Variants in NRSN1 observed in about 807,000 individuals in gnomAD.
The protein encoded by NRSN1 is neurensin-1.
NRSN1 carries 14 observed loss-of-function variants against 17.3 expected under a neutral mutation model. The ratio of observed to expected loss-of-function variants is 0.81; its 90% CI spans 0.54 to 1.27. The LOEUF (loss-of-function observed/expected upper bound fraction) is 1.27, where lower values mean the gene tolerates loss of function less well. Among genes scored for constraint, NRSN1 ranks in the 50% most tolerant of loss-of-function variants. NRSN1 has a pLI of 0.00. For synonymous variants in NRSN1, 79 were observed against 94.2 expected (o/e 0.84, Z 0.93); for missense variants, 209 against 235.9 (o/e 0.89, Z 0.75).
intron 1 of NRSN1, among the ~76,000 whole-genome samples, chr6:24,127,058 G>A (rs542703305): frequency 1.4e-4 from 22 of 152,132 alleles, no homozygotes; most frequent in Admixed American, 2.0e-4. Flanking sequence ...ACAGAAAAAA[G>A]AAGAGAAATG....
At chr6:24,141,343 CTA>C in intron 3 of NRSN1, 1 of 981,238 alleles carries the variant, frequency 1.0e-6, no homozygotes, top group Non-Finnish European at 1.3e-6. Context: ...GGTACCAAGA[CTA>C]AGCTGATGAG....
At chr6:24,127,332 T>C (rs1294886613) in intron 1 of NRSN1, among the ~76,000 whole-genome samples, 1 of 152,192 alleles carries the variant, frequency 6.6e-6, no homozygotes, top group Non-Finnish European at 1.5e-5. Flanking sequence ...ACCCTAGAAA[T>C]GCTGAAAACA....
chr6:24,133,798 A>T (rs1470088650), intron 2 of NRSN1, among the ~76,000 whole-genome samples: 1 of 152,164 alleles, frequency 6.6e-6, no homozygotes, highest in African/African-American at 2.4e-5. Context: ...CATTAAGCAA[A>T]AAAGAAGAAC....
chr6:24,141,517 C>T (rs148073976), intron 3 of NRSN1: 1 of 158,708 alleles, frequency 6.3e-6, no homozygotes, highest in Non-Finnish European at 1.4e-5. Flanking sequence ...CCTTCAGAAG[C>T]CTTGAAGTCA....
intron 2 of NRSN1, 44 bp from the exon 3 acceptor site, chr6:24,134,275 G>A (rs1037839372): frequency 7.2e-6 from 11 of 1,524,496 alleles, no homozygotes; most frequent in Admixed American, 1.7e-5. Context: ...TGATCCTGTG[G>A]CCAAAGCCTG....
At chr6:24,137,746 A>C (rs1760139926) in intron 3 of NRSN1, among the ~76,000 whole-genome samples, 1 of 152,012 alleles carries the variant, frequency 6.6e-6, no homozygotes, top group Non-Finnish European at 1.5e-5. Context: ...AGATTGTTAT[A>C]ATGCAATATA....
chr6:24,131,168 T>C (rs773345058), intron 2 of NRSN1, among the ~76,000 whole-genome samples: 3 of 152,192 alleles, frequency 2.0e-5, no homozygotes, highest in South Asian at 2.1e-4. Flanking sequence ...CAAAAACATG[T>C]GTTTTATGAC....
chr6:24,146,242 G>A lies in NRSN1; in HGVS notation c.*296G>A, dbSNP rs761155164. ...AGATCGTGACTTTGTGTTATTTTCCGTGTTGTTTGAAAGTGCCGAACAGTT... is the reference window on the plus strand; with the variant it reads ...AGATCGTGACTTTGTGTTATTTTCCATGTTGTTTGAAAGTGCCGAACAGTT... On this transcript the variant is annotated 3_prime_UTR_variant, in exon 4 of 4. Coordinates refer to ENST00000378491, the MANE Select transcript of NRSN1 (RefSeq NM_080723.5). The A allele has an allele frequency of 3.1e-5, 19 of 619,930 alleles. No individual in the cohort carries two copies. The highest frequency in any genetic ancestry group is 5.4e-5 in the African/African-American group (3 of 55,270). The allele number at this position is 619,930 out of a possible 1,614,324, so 38.4% of individuals were successfully genotyped here. A position where few individuals can be genotyped will look rare whatever the true frequency, so the allele number is the denominator to read the frequency against.
intron 1 of NRSN1, among the ~76,000 whole-genome samples, chr6:24,127,590 T>G (rs915069200): frequency 6.6e-6 from 1 of 152,202 alleles, no homozygotes; most frequent in Admixed American, 6.5e-5. Context: ...ATGATCATGA[T>G]AGGAAGAAAA....
intron 2 of NRSN1, among the ~76,000 whole-genome samples, chr6:24,131,943 TG>T (rs1329458941): frequency 2.6e-5 from 4 of 152,180 alleles, no homozygotes; most frequent in Admixed American, 2.6e-4. Context: ...TGTTCGTGTG[TG>T]GGGGAGTGCA....
At chr6:24,142,212 T>TTTTTTTTTTTTTTTTTGTTTTTTTTTC (rs1484150562) in intron 3 of NRSN1, among the ~76,000 whole-genome samples, 1 of 134,512 alleles carries the variant, frequency 7.4e-6, no homozygotes, top group African/African-American at 2.7e-5. Context: ...TTTTTTTTTT[T>TTTTTTTTTTTTTTTTTGTTTTTTTTTC]TTCAGAAGAC....
chr6:24,138,736 A>T (rs535821391), intron 3 of NRSN1, among the ~76,000 whole-genome samples: 1 of 152,220 alleles, frequency 6.6e-6, no homozygotes, highest in South Asian at 2.1e-4. Context: ...CCCCCTCTTG[A>T]GCTAAGTCAG....
chr6:24,127,022 A>C (rs1759960426), intron 1 of NRSN1, among the ~76,000 whole-genome samples: 1 of 152,200 alleles, frequency 6.6e-6, no homozygotes, highest in African/African-American at 2.4e-5. Context: ...GCATGTGGGG[A>C]ATCTTCAGCG....
rs1484150562 is a variant in NRSN1 at position 24,142,212 on chromosome 6, T to TTTTTTTTTTTTTTTTTTTTTC, written c.190-3334_190-3333insTTTTTTTTTTTTTTTTTTCTT. On this transcript the variant is annotated intron_variant, in intron 3 of 3. Transcript: ENST00000378491. ...ACAGCTTTTTTTTTTTTTTTTTTTT[T>TTTTTTTTTTTTTTTTTTTTTC]TTCAGAAGACATCCTATTGACTCTT... is the stretch of plus-strand genomic sequence containing the variant. 3.0e-4 allele frequency among the ~76,000 whole-genome samples: 41 copies of TTTTTTTTTTTTTTTTTTTTTC among 134,592 alleles called. 2 individuals are homozygous for TTTTTTTTTTTTTTTTTTTTTC. Among genetic ancestry groups the TTTTTTTTTTTTTTTTTTTTTC allele is most frequent in the Non-Finnish European group, 4.5e-4 (27 of 60,530 alleles). 88.3% of individuals were successfully genotyped at this position (134,592 alleles called of 152,430 possible). A position where few individuals can be genotyped will look rare whatever the true frequency, so the allele number is the denominator to read the frequency against.
chr6:24,134,004 T>TTG (rs71002461), intron 2 of NRSN1, among the ~76,000 whole-genome samples: 17,391 of 132,740 alleles, frequency 0.13, 1,133 homozygotes, highest in South Asian at 0.19. Context: ...ACCCAGCTAA[T>TTG]TGTGTGTGTG....
chr6:24,142,701 G>C (rs4449614), intron 3 of NRSN1, among the ~76,000 whole-genome samples: 26,917 of 152,030 alleles, frequency 0.18, 2,880 homozygotes, highest in East Asian at 0.55. Flanking sequence ...GGTTCCTCCC[G>C]GTGGATTTCT....
chr6:24,136,177 A>C (rs538347440), intron 3 of NRSN1, among the ~76,000 whole-genome samples: 1 of 152,330 alleles, frequency 6.6e-6, no homozygotes, highest in South Asian at 2.1e-4. Flanking sequence ...GAATTAAATG[A>C]GATAGTATTT....
In NRSN1 at chr6:24,145,169, A is replaced by C. The variant is rs996146769; in HGVS notation, c.190-379A>C. Among the ~76,000 whole-genome samples, 3 of 143,652 alleles carry C rather than the reference A, an allele frequency of 2.1e-5. No homozygotes were observed. The highest frequency in any genetic ancestry group is 7.7e-5 in the African/African-American group (3 of 39,190). 94.2% of individuals were successfully genotyped at this position (143,652 alleles called of 152,430 possible). A position where few individuals can be genotyped will look rare whatever the true frequency, so the allele number is the denominator to read the frequency against. On this transcript the variant is annotated intron_variant, in intron 3 of 3. Transcript: ENST00000378491. This position sits in a 1 kb window ranked among gnomAD's most constrained non-coding sequence, Gnocchi z 4.4. Reference sequence around the variant, plus strand: ...ATATAATATATATATCTTTGGACATATATATTATATAGATCTTTAGCTATA... The same window carrying C: ...ATATAATATATATATCTTTGGACATCTATATTATATAGATCTTTAGCTATA...
At chr6:24,134,041 T>TGTGTG (rs1491411832) in intron 2 of NRSN1, among the ~76,000 whole-genome samples, 4 of 150,972 alleles carry the variant, frequency 2.6e-5, no homozygotes, top group East Asian at 2.0e-4. Flanking sequence ...TGTGTGTGTG[T>TGTGTG]TTTTAGTAGA....
Sources: gnomAD v4.1 joint callset for allele counts (sites outside exome capture counted in the v4.1 genomes callset) on GRCh38, gnomAD v4.1.1 for gene constraint, Gnocchi (gnomAD v3.1) non-coding constraint, MANE v1.5 for transcripts, NCBI Gene and HGNC (gene_info 2026-07-23, HGNC 2026-07-21) for gene names.